Variants in ARL5A observed in about 807,000 individuals in gnomAD.
ARL5A encodes the protein ADP-ribosylation factor-like protein 5A.
Under a neutral mutation model 25.9 loss-of-function variants are expected in ARL5A, and 18 were observed. The ratio of observed to expected loss-of-function variants is 0.69; its 90% CI spans 0.48 to 1.03. The LOEUF is 1.03. Ranked by LOEUF, ARL5A falls within the 50% of genes least tolerant of loss-of-function variation. ARL5A has a pLI of 0.00. For synonymous variants in ARL5A, 61 were observed against 67.5 expected (o/e 0.90, Z 0.47); for missense variants, 170 against 211.9 (o/e 0.80, Z 1.23).
intron 1 of ARL5A, among the ~76,000 whole-genome samples, chr2:151,824,370 A>G (rs2099832742): frequency 6.6e-6 from 1 of 152,148 alleles, no homozygotes; most frequent in African/African-American, 2.4e-5. Flanking sequence ...TCTATCACAA[A>G]TTATCAACTA....
At chr2:151,814,016 G>A (rs1438999829) in intron 3 of ARL5A, among the ~76,000 whole-genome samples, 153 bp downstream of exon 3, 1 of 152,062 alleles carries the variant, frequency 6.6e-6, no homozygotes, top group African/African-American at 2.4e-5. Context: ...ATTGAACAAT[G>A]ACCTTGGAAT....
At chr2:151,820,660 CAAAA>C (rs71410438) in intron 1 of ARL5A, among the ~76,000 whole-genome samples, 83 of 45,078 alleles carry the variant, frequency 1.8e-3, no homozygotes, top group Non-Finnish European at 2.2e-3. Flanking sequence ...ATCCTGTCTC[CAAAA>C]AAAAAAAAAA....
rs1553735370 is a variant in ARL5A at position 151,828,197 on chromosome 2, C to CCG, written c.-22_-21insCG. 2.3e-5 allele frequency: 37 copies of CCG among 1,605,352 alleles called. No individual in the cohort carries two copies. Among genetic ancestry groups the CCG allele is most frequent in the Admixed American group, 1.2e-4 (7 of 59,148 alleles). ...CCCATTCTCGGGCAGCGGACCCCCCCCCTCCAGACACCCGGGCCGCCTGGC... is the reference window on the plus strand; with the variant it reads ...CCCATTCTCGGGCAGCGGACCCCCCCCGCCTCCAGACACCCGGGCCGCCTGGC... On this transcript the variant is annotated 5_prime_UTR_variant, in exon 1 of 6. Coordinates refer to ENST00000295087, the MANE Select transcript of ARL5A (RefSeq NM_012097.4).
At chr2:151,805,169 T>A (rs1215683814) in intron 5 of ARL5A, among the ~76,000 whole-genome samples, 3 of 152,126 alleles carry the variant, frequency 2.0e-5, no homozygotes, top group African/African-American at 4.8e-5. Flanking sequence ...ATATTTTTAC[T>A]TAAATGAATA....
intron 3 of ARL5A, among the ~76,000 whole-genome samples, chr2:151,813,901 G>C (rs1264139429): frequency 6.6e-6 from 1 of 151,800 alleles, no homozygotes; most frequent in Non-Finnish European, 1.5e-5. Flanking sequence ...CTATGAGATG[G>C]AAGTCATTAA....
At chr2:151,828,074 A>T (rs1346333167) in intron 1 of ARL5A, 57 bp downstream of exon 1, 2 of 1,565,134 alleles carry the variant, frequency 1.3e-6, no homozygotes, top group African/African-American at 2.8e-5. Flanking sequence ...ACCCCCACCT[A>T]GCCGGCCCGA....
intron 4 of ARL5A, among the ~76,000 whole-genome samples, chr2:151,807,605 C>A (rs1203666476): frequency 6.6e-6 from 1 of 152,174 alleles, no homozygotes. Context: ...GAATTCATTA[C>A]AATGTATGCC....
intron 5 of ARL5A, among the ~76,000 whole-genome samples, chr2:151,803,620 A>C (rs1578369977): frequency 6.6e-6 from 1 of 151,908 alleles, no homozygotes; most frequent in African/African-American, 2.4e-5. Context: ...CGATCTCCCC[A>C]CCTCAGCTTC....
intron 2 of ARL5A, 106 bp downstream of exon 2, chr2:151,815,033 G>T (rs1254860236): frequency 2.4e-6 from 2 of 835,810 alleles, no homozygotes; most frequent in African/African-American, 3.5e-5. Flanking sequence ...TTCTTACAGG[G>T]TAACTTAGGT....
At chr2:151,807,227 C>A (rs550929889) in intron 4 of ARL5A, among the ~76,000 whole-genome samples, 1 of 152,166 alleles carries the variant, frequency 6.6e-6, no homozygotes, top group Admixed American at 6.5e-5. Flanking sequence ...TATACACCAC[C>A]CACCCCCTAA....
At chr2:151,819,915 G>A (rs1176317696) in intron 1 of ARL5A, among the ~76,000 whole-genome samples, 1 of 152,154 alleles carries the variant, frequency 6.6e-6, no homozygotes, top group Non-Finnish European at 1.5e-5. Flanking sequence ...AATTAGCCTG[G>A]CATGGTGGCG....
chr2:151,806,992 T>C lies in ARL5A; in HGVS notation c.340-20A>G. 5 of 1,580,660 alleles carry C rather than the reference T, an allele frequency of 3.2e-6. No homozygotes were observed. Among genetic ancestry groups the C allele is most frequent in the Non-Finnish European group, 4.3e-6 (5 of 1,167,400 alleles). On this transcript the variant is annotated intron_variant, in intron 4 of 5. Coordinates refer to ENST00000295087, the MANE Select transcript of ARL5A (RefSeq NM_012097.4). ...TAGGTCCTATTAAAGCAAATAAAAC[T>C]GTAAAGGCCAATACATTTTCCACAT...
chr2:151,806,479 A>G (rs2099830128), intron 5 of ARL5A, among the ~76,000 whole-genome samples: 1 of 152,208 alleles, frequency 6.6e-6, no homozygotes, highest in Non-Finnish European at 1.5e-5. Context: ...GACATAGGAC[A>G]TGCTCGGCAC....
intron 1 of ARL5A, among the ~76,000 whole-genome samples, chr2:151,827,313 C>T (rs111380251): frequency 1.3e-3 from 204 of 152,302 alleles, no homozygotes; most frequent in African/African-American, 4.6e-3. Flanking sequence ...ATGGCCATGT[C>T]TGAAGTTGGC....
rs1242037662 is a variant in ARL5A, at chr2:151,803,060, A to G, written c.*216T>C. 2.0e-6 allele frequency: 1 copy of G among 507,244 alleles called. No homozygotes were observed. Among genetic ancestry groups the G allele is most frequent in the Admixed American group, 3.7e-5 (1 of 27,084 alleles). 31.4% of individuals were successfully genotyped at this position (507,244 alleles called of 1,614,324 possible). A position where few individuals can be genotyped will look rare whatever the true frequency, so the allele number is the denominator to read the frequency against. On this transcript the variant is annotated 3_prime_UTR_variant, in exon 6 of 6. Transcript: ENST00000295087. ...TCATTATGAGAAAAATGTCAATCAC[A>G]GCTTCAATAACTTACTTTGGAAAAA...
Position 151,812,250 on chromosome 2 carries a change from T to G in ARL5A, c.339+107A>C, listed in dbSNP as rs542364868. On this transcript the variant is annotated intron_variant, in intron 4 of 5. Coordinates refer to ENST00000295087, the MANE Select transcript of ARL5A (RefSeq NM_012097.4). ...GCAGTGTGGCCCGCAAATAACTAAT[T>G]ATTTTTAAAAATTTGAAATTGATAG... 2.9e-5 allele frequency: 20 copies of G among 679,936 alleles called. No individual in the cohort carries two copies. The African/African-American group carries it at 3.1e-4, about 11-fold the overall frequency. 42.1% of individuals were successfully genotyped at this position (679,936 alleles called of 1,614,324 possible). A position where few individuals can be genotyped will look rare whatever the true frequency, so the allele number is the denominator to read the frequency against.
rs1362589621 is a variant in ARL5A, at chr2:151,799,231, C to A, written c.*4045G>T. 1 of 152,098 alleles carries A rather than the reference C, an allele frequency of 6.6e-6. No individual in the cohort carries two copies. Among genetic ancestry groups the A allele is most frequent in the Non-Finnish European group, 1.5e-5 (1 of 68,024 alleles). The allele number at this position is 152,098 out of a possible 1,614,324, so 9.4% of individuals were successfully genotyped here. A position where few individuals can be genotyped will look rare whatever the true frequency, so the allele number is the denominator to read the frequency against. ...TCTCTATCTGCATTTACAGTCAATG[C>A]ATGACAAGTGATTATTTCGATGTCT... is the stretch of plus-strand genomic sequence containing the variant. On this transcript the variant is annotated 3_prime_UTR_variant, in exon 6 of 6. Coordinates refer to ENST00000295087, the MANE Select transcript of ARL5A (RefSeq NM_012097.4).
intron 4 of ARL5A, among the ~76,000 whole-genome samples, chr2:151,808,424 A>G (rs1158855498): frequency 6.6e-6 from 1 of 150,894 alleles, no homozygotes; most frequent in Non-Finnish European, 1.5e-5. Context: ...CATTAGTAGT[A>G]TATTTGTATT....
At chr2:151,810,616 A>G (rs1355298978) in intron 4 of ARL5A, 1 of 434,182 alleles carries the variant, frequency 2.3e-6, no homozygotes, top group African/African-American at 2.0e-5. Flanking sequence ...GGCTCTTAAA[A>G]AGCTAGTCAA....
Sources: gnomAD v4.1 joint callset for allele counts (sites outside exome capture counted in the v4.1 genomes callset) on GRCh38, gnomAD v4.1.1 for gene constraint, MANE v1.5 for transcripts, NCBI Gene and HGNC (gene_info 2026-07-23, HGNC 2026-07-21) for gene names.